PRR3: variants seen among roughly 807,000 people sequenced by gnomAD.
PRR3 encodes proline-rich protein 3.
Under a neutral mutation model 22.4 loss-of-function variants are expected in PRR3, and 16 were observed. That is an observed-to-expected ratio of 0.71 (90% CI 0.48 to 1.09). The LOEUF (loss-of-function observed/expected upper bound fraction) is 1.09. Ranked by LOEUF, PRR3 falls within the 50% of genes least tolerant of loss-of-function variation. The probability of loss-of-function intolerance (pLI) is 0.00; values close to 1 mark genes in which losing one functional copy is unlikely to be tolerated. For synonymous variants in PRR3, 87 were observed against 88.6 expected (o/e 0.98, Z 0.10); for missense variants, 224 against 243.4 (o/e 0.92, Z 0.53).
intron 2 of PRR3, among the ~76,000 whole-genome samples, chr6:30,559,576 A>G (rs1209886983): frequency 6.6e-6 from 1 of 152,174 alleles, no homozygotes; most frequent in Non-Finnish European, 1.5e-5. Flanking sequence ...ATCTAAATGA[A>G]CTAAAGGTCT....
chr6:30,558,193 A>G lies in PRR3; in HGVS notation c.150A>G (p.Lys50=). The G allele has an allele frequency of 8.7e-6, 14 of 1,613,006 alleles. No homozygotes were observed. Among genetic ancestry groups the G allele is most frequent in the Non-Finnish European group, 1.2e-5 (14 of 1,180,006 alleles). ...GCCCTCCCCCCATGGCCAATGGAAA[A>G]CCTGGCGACCCTAAGTCAGGTGAGG... ...LLGPPPMANG[K]PGDPKSALHR... is the part of the protein sequence containing the mutation. The change falls in exon 2 of 4, where the codon AAA becomes AAG. Residue 50 remains lysine (K), a synonymous_variant. Transcript: ENST00000376560.
upstream of PRR3, chr6:30,556,715 G>C (rs1037947234): frequency 1.7e-4 from 62 of 371,858 alleles, 1 homozygote; most frequent in South Asian, 1.5e-3. The surrounding 1 kb of genome is among the most constrained non-coding windows in gnomAD (Gnocchi z 5.7). Flanking sequence ...GTGGAAAGCC[G>C]AGACTGCGTC....
chr6:30,556,744 CG>C, upstream of PRR3: 3 of 399,378 alleles, frequency 7.5e-6, no homozygotes, highest in Non-Finnish European at 4.6e-6. This position sits in a 1 kb window ranked among gnomAD's most constrained non-coding sequence, Gnocchi z 5.7. Context: ...TGGACTACAC[CG>C]GGGGCACGGT....
rs1272788161 is a variant in PRR3, at chr6:30,558,670, G to A, written c.169+458G>A. On this transcript the variant is annotated intron_variant, in intron 2 of 3. Transcript: ENST00000376560. ...AGTGAGATCCTGTCTCTAAATACAAGAAGAAAAAAAGACTTACTATAAAGC... is the reference window on the plus strand; with the variant it reads ...AGTGAGATCCTGTCTCTAAATACAAAAAGAAAAAAAGACTTACTATAAAGC... 9.2e-5 allele frequency among the ~76,000 whole-genome samples: 14 copies of A among 151,924 alleles called. No homozygotes were observed. The East Asian group carries it at 2.7e-3, about 29-fold the overall frequency.
chr6:30,561,736 G>A lies in PRR3; in HGVS notation c.170-98G>A. On this transcript the variant is annotated intron_variant, in intron 2 of 3. Transcript: ENST00000376560. This position sits in a 1 kb window ranked among gnomAD's most constrained non-coding sequence, Gnocchi z 4.0. ...TTAAAACTGGTGTGTCTTTATGTAT[G>A]CTGTTCTTCAATAAAAAAAATTTTT... The A allele has an allele frequency of 9.2e-7, 1 of 1,089,144 alleles. No individual in the cohort carries two copies. The highest frequency in any genetic ancestry group is 1.3e-6 in the Non-Finnish European group (1 of 779,796). The allele number at this position is 1,089,144 out of a possible 1,614,324, so 67.5% of individuals were successfully genotyped here.
rs762524537 is a variant in PRR3 at position 30,561,728 on chromosome 6, TTATG to T, written c.170-101_170-98del. The T allele has an allele frequency of 3.3e-5, 33 of 1,008,764 alleles. No homozygotes were observed. The highest frequency in any genetic ancestry group is 1.8e-4 in the Admixed American group (6 of 34,196). 62.5% of individuals were successfully genotyped at this position (1,008,764 alleles called of 1,614,324 possible). A position where few individuals can be genotyped will look rare whatever the true frequency, so the allele number is the denominator to read the frequency against. ...TTGTGCACTTAAAACTGGTGTGTCT[TTATG>T]TATGCTGTTCTTCAATAAAAAAAAT... On this transcript the variant is annotated intron_variant, in intron 2 of 3. Coordinates refer to ENST00000376560, the MANE Select transcript of PRR3 (RefSeq NM_025263.4). This position sits in a 1 kb window ranked among gnomAD's most constrained non-coding sequence, Gnocchi z 4.0.
rs957282507 is a variant in PRR3, at chr6:30,558,357, A to T, written c.169+145A>T. The T allele has an allele frequency of 2.6e-4, 174 of 664,238 alleles. 1 individual carries two copies. Among genetic ancestry groups the T allele is most frequent in the Non-Finnish European group, 4.2e-4 (161 of 380,008 alleles). The allele number at this position is 664,238 out of a possible 1,614,324, so 41.1% of individuals were successfully genotyped here. On this transcript the variant is annotated intron_variant, in intron 2 of 3. Coordinates refer to ENST00000376560, the MANE Select transcript of PRR3 (RefSeq NM_025263.4). ...AGAGAAGTTGTATATTTGCTGATTT[A>T]AAAACTCAATGTTGTAAAAATGTCA... is the stretch of plus-strand genomic sequence containing the variant.
At chr6:30,558,235 C>A (rs556717646) in intron 2 of PRR3, 23 bp downstream of exon 2, 2 of 1,604,598 alleles carry the variant, frequency 1.2e-6, no homozygotes. Flanking sequence ...GGGCCCTGAT[C>A]CTTGTATTAG....
In PRR3 at chr6:30,561,382, T is replaced by G. The variant is rs1216030863; in HGVS notation, c.170-452T>G. ...TCATCAGTAGAATGGATAAATAAAT[T>G]GTTGTGTATGCATGCAATGGGACTA... On this transcript the variant is annotated intron_variant, in intron 2 of 3. Transcript: ENST00000376560. This position sits in a 1 kb window ranked among gnomAD's most constrained non-coding sequence, Gnocchi z 4.0. The G allele has an allele frequency of 2.1e-6, 1 of 465,678 alleles. No individual in the cohort carries two copies. The highest frequency in any genetic ancestry group is 1.5e-5 in the South Asian group (1 of 64,662). The allele number at this position is 465,678 out of a possible 1,614,324, so 28.8% of individuals were successfully genotyped here.
rs1336489520 is a variant in PRR3, at chr6:30,563,704, G to A, written c.*1209G>A. On this transcript the variant is annotated 3_prime_UTR_variant, in exon 4 of 4. Coordinates refer to ENST00000376560, the MANE Select transcript of PRR3 (RefSeq NM_025263.4). ...TTTTATATTAGTAATAAATGCAGTG[G>A]AAACCAGCATTTTATTTAATCCCTG... 1.3e-5 allele frequency: 2 copies of A among 151,452 alleles called. No homozygotes were observed. The highest frequency in any genetic ancestry group is 2.9e-5 in the Non-Finnish European group (2 of 67,928). 9.4% of individuals were successfully genotyped at this position (151,452 alleles called of 1,614,324 possible). A position where few individuals can be genotyped will look rare whatever the true frequency, so the allele number is the denominator to read the frequency against.
At chr6:30,557,568 G>C (rs1022134636) in intron 1 of PRR3, 118 bp downstream of exon 1, 10 of 685,552 alleles carry the variant, frequency 1.5e-5, no homozygotes, top group Non-Finnish European at 2.2e-5. Context: ...GCACGCGCTG[G>C]GGAGGGATGG....
At position 30,561,677 on chromosome 6, in the gene PRR3, AGT is replaced by A. The variant is rs1800637459; in HGVS notation, c.170-152_170-151del. The A allele has an allele frequency of 4.6e-6, 3 of 655,456 alleles. No individual in the cohort carries two copies. Among genetic ancestry groups the A allele is most frequent in the Middle Eastern group, 4.1e-4 (1 of 2,424 alleles). The allele number at this position is 655,456 out of a possible 1,614,324, so 40.6% of individuals were successfully genotyped here. ...CTCTTCACCTGGTGGTGGAAACTCA[AGT>A]GTGTCTACTTTGTGAGAACTGGGTT... On this transcript the variant is annotated intron_variant, in intron 2 of 3. Transcript: ENST00000376560. The surrounding 1 kb of genome is among the most constrained non-coding windows in gnomAD (Gnocchi z 4.0).
At position 30,561,836 on chromosome 6, in the gene PRR3, C is replaced by G. The variant is rs1384847762; in HGVS notation, c.172C>G (p.Leu58Val). The stretch of plus-strand genomic sequence containing the variant: ...TCTCTCTCTCTCTCTCTCTCCAGCT[C>G]TTCACAGAGGTCCTCCAGGATCAAG... Reference protein sequence around the residue: ...NGKPGDPKSALHRGPPGSRGP... With the variant: ...NGKPGDPKSAVHRGPPGSRGP... Residue 58 changes from leucine to valine, a missense_variant and splice_region_variant, in exon 3 of 4, where the codon CTT becomes GTT. Leu to Val is a conservative substitution (Grantham distance 32). Coordinates refer to ENST00000376560, the MANE Select transcript of PRR3 (RefSeq NM_025263.4). The surrounding 1 kb of genome is among the most constrained non-coding windows in gnomAD (Gnocchi z 4.0). 3.9e-6 allele frequency: 6 copies of G among 1,551,484 alleles called. No individual in the cohort carries two copies. In the South Asian group the frequency reaches 7.1e-5, roughly 18 times the overall value.
chr6:30,562,232 C>A, intron 3 of PRR3, 108 bp downstream of exon 3: 2 of 1,298,332 alleles, frequency 1.5e-6, no homozygotes, highest in Middle Eastern at 1.9e-4. Context: ...CAGAAGTAGA[C>A]CTCAATGTTA....
intron 2 of PRR3, chr6:30,559,996 A>T (rs1800519407): frequency 6.6e-6 from 1 of 152,246 alleles, no homozygotes; most frequent in African/African-American, 2.4e-5. Context: ...CACATACTAC[A>T]ACATGGATGA....
chr6:30,557,657 T>G (rs1800349067), intron 1 of PRR3, among the ~76,000 whole-genome samples: 1 of 152,228 alleles, frequency 6.6e-6, no homozygotes, highest in South Asian at 2.1e-4. Flanking sequence ...GCCCCAGACC[T>G]TTCTGGAGAA....
At chr6:30,558,439 G>T in intron 2 of PRR3, 2 of 552,372 alleles carry the variant, frequency 3.6e-6, no homozygotes, top group Middle Eastern at 4.8e-4. Context: ...CACCCATAAT[G>T]TTTTTGTGGA....
Position 30,561,546 on chromosome 6 carries a change from AAACT to A in PRR3, c.170-284_170-281del. On this transcript the variant is annotated intron_variant, in intron 2 of 3. Coordinates refer to ENST00000376560, the MANE Select transcript of PRR3 (RefSeq NM_025263.4). This position sits in a 1 kb window ranked among gnomAD's most constrained non-coding sequence, Gnocchi z 4.0. ...TTTTGTGAAGTTCAAAAACAGGCAA[AAACT>A]AACCTATGGTGTCAGGATAGTGGTT... The A allele has an allele frequency of 1.6e-6, 1 of 606,578 alleles. No homozygotes were observed. Among genetic ancestry groups the A allele is most frequent in the Admixed American group, 2.5e-5 (1 of 39,782 alleles). The allele number at this position is 606,578 out of a possible 1,614,324, so 37.6% of individuals were successfully genotyped here. A position where few individuals can be genotyped will look rare whatever the true frequency, so the allele number is the denominator to read the frequency against.
Position 30,561,399 on chromosome 6 carries a change from A to G in PRR3, c.170-435A>G. The G allele has an allele frequency of 2.1e-6, 1 of 470,704 alleles. No homozygotes were observed. Among genetic ancestry groups the G allele is most frequent in the Non-Finnish European group, 4.2e-6 (1 of 237,048 alleles). The allele number at this position is 470,704 out of a possible 1,614,324, so 29.2% of individuals were successfully genotyped here. A position where few individuals can be genotyped will look rare whatever the true frequency, so the allele number is the denominator to read the frequency against. ...AAATAAATTGTTGTGTATGCATGCA[A>G]TGGGACTACACTGCAACGAAAATGA... is the stretch of plus-strand genomic sequence containing the variant. On this transcript the variant is annotated intron_variant, in intron 2 of 3. Transcript: ENST00000376560. This position sits in a 1 kb window ranked among gnomAD's most constrained non-coding sequence, Gnocchi z 4.0.
Sources: allele counts gnomAD v4.1 joint callset (sites outside exome capture counted in the v4.1 genomes callset), GRCh38; gene constraint gnomAD v4.1.1; non-coding constraint Gnocchi (gnomAD v3.1); transcripts MANE v1.5; gene names NCBI Gene and HGNC (gene_info 2026-07-23, HGNC 2026-07-21).